FRY: variants seen among roughly 807,000 people sequenced by gnomAD.
The protein encoded by FRY is protein furry homolog.
FRY carries 128 observed loss-of-function variants against 348.4 expected under a neutral mutation model. The observed-to-expected ratio is 0.37, with a 90% confidence interval of 0.32 to 0.43. The LOEUF is 0.43. Among genes scored for constraint, FRY ranks in the 20% least tolerant of loss-of-function variants. The pLI, the probability that FRY is intolerant of heterozygous loss-of-function variation, is 1.00. For missense variants in FRY, 2,736 were observed against 3,695.2 expected (o/e 0.74, Z 6.73); for synonymous variants, 1,370 against 1,374.7 (o/e 1.00, Z 0.08).
In FRY at chr13:32,124,323, G is replaced by T. The variant is rs762257411; in HGVS notation, c.502G>T (p.Asp168Tyr). The T allele has an allele frequency of 1.9e-6, 3 of 1,602,444 alleles. No homozygotes were observed. The highest frequency in any genetic ancestry group is 1.3e-5 in the African/African-American group (1 of 74,674). The change falls in exon 5 of 61, where the codon GAC becomes TAC. Residue 168 changes from aspartate to tyrosine, a missense_variant. Asp to Tyr is a radical substitution (Grantham distance 160). Transcript: ENST00000542859. Reference sequence around the variant, plus strand: ...GCGAGATTATTTAATGGAAAGACGGGACCTCGCCATTGATTTTATTTTTTC... The same window carrying T: ...GCGAGATTATTTAATGGAAAGACGGTACCTCGCCATTGATTTTATTTTTTC... ...QQRDYLMERRDLAIDFIFSLV... is the reference protein window; with the variant it reads ...QQRDYLMERRYLAIDFIFSLV...
intron 59 of FRY, 56 bp from the exon 60 acceptor site, chr13:32,294,312 A>T (rs1036396588): frequency 7.4e-6 from 9 of 1,212,622 alleles, no homozygotes; most frequent in Admixed American, 1.8e-5. Context: ...TCCTTTTGGG[A>T]TGTAAAATTC....
intron 3 of FRY, among the ~76,000 whole-genome samples, chr13:32,107,300 T>C (rs939798949): frequency 3.3e-5 from 5 of 152,198 alleles, no homozygotes; most frequent in Non-Finnish European, 7.3e-5. Flanking sequence ...GAGGTTGCAG[T>C]GAGCTGAGAT....
At chr13:32,195,895 A>G (rs2138304328) in intron 29 of FRY, among the ~76,000 whole-genome samples, 1 of 152,324 alleles carries the variant, frequency 6.6e-6, no homozygotes, top group African/African-American at 2.4e-5. Context: ...CCAACTGTCC[A>G]GATAGTGACC....
At position 32,136,891 on chromosome 13, in the gene FRY, C is replaced by G; in HGVS notation, c.1098C>G (p.Thr366=). ...KHSLALYPLV[T]CLLCVSQKQL... Reference sequence around the variant, plus strand: ...CTCAGGCCTTGTACCCCCTGGTGACCTGTTTGCTCTGTGTCAGTCAGAAGC... The same window carrying G: ...CTCAGGCCTTGTACCCCCTGGTGACGTGTTTGCTCTGTGTCAGTCAGAAGC... Residue 366 remains threonine (T), a synonymous_variant, in exon 11 of 61, where the codon ACC becomes ACG. Transcript: ENST00000542859. The G allele has an allele frequency of 1.9e-6, 3 of 1,604,280 alleles. No homozygotes were observed. In the South Asian group the frequency reaches 3.3e-5, roughly 18 times the overall value.
chr13:32,132,443 A>G (rs1157887202), intron 8 of FRY, among the ~76,000 whole-genome samples: 1 of 152,118 alleles, frequency 6.6e-6, no homozygotes, highest in Non-Finnish European at 1.5e-5. Flanking sequence ...TAGAGGGTTT[A>G]GATGTATGGA....
At position 32,191,654 on chromosome 13, in the gene FRY, G is replaced by A. The variant is rs994989606; in HGVS notation, c.3592-2489G>A. Reference sequence around the variant, plus strand: ...AGTTTTGGAGGCCAAGAATTCCAAGGTTAAGGTGCTGGCAGATTTATGTCT... The same window carrying A: ...AGTTTTGGAGGCCAAGAATTCCAAGATTAAGGTGCTGGCAGATTTATGTCT... On this transcript the variant is annotated intron_variant, in intron 28 of 60. Transcript: ENST00000542859. Among the ~76,000 whole-genome samples, 7 of 152,112 alleles carry A rather than the reference G, an allele frequency of 4.6e-5. No individual in the cohort carries two copies. The South Asian group carries it at 1.0e-3, about 22-fold the overall frequency.
At chr13:32,278,009 A>G (rs991154186) in intron 57 of FRY, among the ~76,000 whole-genome samples, 1 of 152,198 alleles carries the variant, frequency 6.6e-6, no homozygotes, top group Non-Finnish European at 1.5e-5. Context: ...AGCCTTTCTT[A>G]TAGTGAAGGA....
At chr13:32,180,766 A>T (rs1882658377) in intron 23 of FRY, among the ~76,000 whole-genome samples, 1 of 152,246 alleles carries the variant, frequency 6.6e-6, no homozygotes, top group South Asian at 2.1e-4. Flanking sequence ...TTCCATGTAG[A>T]TAGAAATGAG....
In FRY at chr13:32,170,896, G is replaced by A. The variant is rs562642640; in HGVS notation, c.1893-116G>A. On this transcript the variant is annotated intron_variant, in intron 17 of 60. Transcript: ENST00000542859. The stretch of plus-strand genomic sequence containing the variant: ...CATTTACTAAGCAAAAAATAAGGGA[G>A]ACCCATTTTCAGACTCAAGTAGAAG... 1.2e-5 allele frequency: 10 copies of A among 807,866 alleles called. No individual in the cohort carries two copies. The African/African-American group carries it at 1.5e-4, about 12-fold the overall frequency. The allele number at this position is 807,866 out of a possible 1,614,324, so 50.0% of individuals were successfully genotyped here.
rs1183897302 is a variant in FRY at position 32,237,751 on chromosome 13, A to G, written c.6183A>G (p.Leu2061=). 1 of 1,613,998 alleles carries G rather than the reference A, an allele frequency of 6.2e-7. No individual in the cohort carries two copies. The highest frequency in any genetic ancestry group is 1.3e-5 in the African/African-American group (1 of 74,896). ...LMESDFEFEY[L]MALRLLSRLL... is the part of the protein sequence containing the mutation. ...AGTCTGATTTTGAGTTTGAATACTTAATGGCCTTAAGGCTGTTGAGCAGAC... is the reference window on the plus strand; with the variant it reads ...AGTCTGATTTTGAGTTTGAATACTTGATGGCCTTAAGGCTGTTGAGCAGAC... The change falls in exon 44 of 61, where the codon TTA becomes TTG. Residue 2061 remains leucine (L), a synonymous_variant. Transcript: ENST00000542859. This position sits in a 1 kb window ranked among gnomAD's most constrained non-coding sequence, Gnocchi z 6.3.
intron 3 of FRY, among the ~76,000 whole-genome samples, chr13:32,102,684 C>A (rs978955639): frequency 6.6e-6 from 1 of 152,086 alleles, no homozygotes; most frequent in South Asian, 2.1e-4. Context: ...AGGTAATAAA[C>A]ATATGAAATC....
chr13:32,186,123 A>G, intron 26 of FRY, 137 bp from the exon 27 acceptor site: 1 of 728,682 alleles, frequency 1.4e-6, no homozygotes, highest in African/African-American at 1.8e-5. Flanking sequence ...TGACTTTTTA[A>G]GTGCATGTTT....
chr13:32,273,277 A>C (rs1400526178), intron 55 of FRY, among the ~76,000 whole-genome samples: 1 of 141,910 alleles, frequency 7.0e-6, no homozygotes, highest in African/African-American at 2.7e-5. Context: ...GCTGGAGTGC[A>C]GTGGCGCAAT....
chr13:32,226,084 C>T, intron 39 of FRY, 110 bp downstream of exon 39: 1 of 847,470 alleles, frequency 1.2e-6, no homozygotes, highest in Non-Finnish European at 2.0e-6. Context: ...TGACCTCCAA[C>T]TTTCCACGTG....
Position 32,225,839 on chromosome 13 carries a change from C to G in FRY, c.5071C>G (p.Leu1691Val). 1 of 1,614,162 alleles carries G rather than the reference C, an allele frequency of 6.2e-7. No individual in the cohort carries two copies. Among genetic ancestry groups the G allele is most frequent in the East Asian group, 2.2e-5 (1 of 44,890 alleles). Reference sequence around the variant, plus strand: ...CTTTGAACACAGCAAAAAACTGCTTCTTCACCTCTTGATTGCCCTCTCTTG... The same window carrying G: ...CTTTGAACACAGCAAAAAACTGCTTGTTCACCTCTTGATTGCCCTCTCTTG... The part of the protein sequence containing the change: ...EVFEHSKKLL[L>V]HLLIALSCNS... Residue 1691 changes from leucine to valine, a missense_variant, in exon 39 of 61, where the codon CTT becomes GTT. Physicochemically the swap from Leu to Val is conservative, Grantham distance 32. Transcript: ENST00000542859.
chr13:32,283,066 G>T (rs1888889550), intron 58 of FRY, among the ~76,000 whole-genome samples: 1 of 151,892 alleles, frequency 6.6e-6, no homozygotes, highest in Admixed American at 6.6e-5. Context: ...TCTTGAACCT[G>T]GGAGGCAGAA....
chr13:32,236,607 C>T (rs1457347883), intron 43 of FRY, among the ~76,000 whole-genome samples: 1 of 151,472 alleles, frequency 6.6e-6, no homozygotes, highest in Non-Finnish European at 1.5e-5. Context: ...ATGTTGACTT[C>T]ATTCAAAGAA....
At chr13:32,142,666 C>T (rs1880150079) in intron 11 of FRY, among the ~76,000 whole-genome samples, 1 of 152,222 alleles carries the variant, frequency 6.6e-6, no homozygotes, top group African/African-American at 2.4e-5. Flanking sequence ...TGAAAATTAG[C>T]TTCACCTACA....
chr13:32,209,473 C>T, intron 32 of FRY, 112 bp from the exon 33 acceptor site: 1 of 979,430 alleles, frequency 1.0e-6, no homozygotes. Flanking sequence ...GTCATGTTTA[C>T]CCCTTCTTAT....
Sources: gnomAD v4.1 joint callset for allele counts (sites outside exome capture counted in the v4.1 genomes callset) on GRCh38, gnomAD v4.1.1 for gene constraint, Gnocchi (gnomAD v3.1) non-coding constraint, MANE v1.5 for transcripts, NCBI Gene and HGNC (gene_info 2026-07-23, HGNC 2026-07-21) for gene names.